CHSY1: variants seen among roughly 807,000 people sequenced by gnomAD.
CHSY1 encodes the protein chondroitin sulfate synthase 1.
Under a neutral mutation model 59.8 loss-of-function variants are expected in CHSY1, and 13 were observed. The ratio of observed to expected loss-of-function variants is 0.22; its 90% confidence interval spans 0.14 to 0.35. CHSY1 has a LOEUF of 0.35. Among genes scored for constraint, CHSY1 ranks in the 10% least tolerant of loss-of-function variants. The pLI, the probability that CHSY1 is intolerant of heterozygous loss-of-function variation, is 1.00. For missense variants in CHSY1, 947 were observed against 1,030.6 expected (o/e 0.92, Z 1.11); for synonymous variants, 459 against 401.2 (o/e 1.14, Z -1.72).
At chr15:101,187,893 TGA>T in intron 2 of CHSY1, 1 of 300,192 alleles carries the variant, frequency 3.3e-6, no homozygotes, top group Non-Finnish European at 4.9e-6. Context: ...CCAGTGAATC[TGA>T]GAGGGGCTAA....
At chr15:101,236,571 C>T (rs1011801778) in intron 1 of CHSY1, among the ~76,000 whole-genome samples, 2 of 152,194 alleles carry the variant, frequency 1.3e-5, no homozygotes, top group Non-Finnish European at 2.9e-5. Flanking sequence ...CCTGTAATCC[C>T]TGTACTTTGG....
chr15:101,216,480 C>A (rs2038733598), intron 2 of CHSY1, among the ~76,000 whole-genome samples: 1 of 152,152 alleles, frequency 6.6e-6, no homozygotes, highest in South Asian at 2.1e-4. Context: ...TCGCCGAAAA[C>A]CAAATGTCTT....
At position 101,206,434 on chromosome 15, in the gene CHSY1, G is replaced by A. The variant is rs13380374; in HGVS notation, c.817-27454C>T. On this transcript the variant is annotated intron_variant, in intron 2 of 2. Transcript: ENST00000254190. ...ACACTACCCACAGGCAGGGGTAGCA[G>A]CTCCCACTGTGGGGTTAGTCATCAG... Among the ~76,000 whole-genome samples the A allele has an allele frequency of 7.9e-3, 1,197 of 152,282 alleles. 17 individuals are homozygous for A. The highest frequency in any genetic ancestry group is 0.027 in the African/African-American group (1,140 of 41,548).
chr15:101,206,317 C>G (rs147207221), intron 2 of CHSY1, among the ~76,000 whole-genome samples: 1 of 152,132 alleles, frequency 6.6e-6, no homozygotes, highest in Non-Finnish European at 1.5e-5. Context: ...AACCAACGAC[C>G]AGGTATTTGT....
At chr15:101,241,938 T>A (rs2039007012) in intron 1 of CHSY1, among the ~76,000 whole-genome samples, 1 of 152,218 alleles carries the variant, frequency 6.6e-6, no homozygotes, top group Non-Finnish European at 1.5e-5. Flanking sequence ...TCACATACCC[T>A]CCTGTATACT....
intron 2 of CHSY1, among the ~76,000 whole-genome samples, chr15:101,214,024 G>A (rs1312294866): frequency 6.6e-6 from 1 of 152,160 alleles, no homozygotes; most frequent in African/African-American, 2.4e-5. Context: ...TTGGTTAAAC[G>A]TGGGCCAGTC....
rs1288308146 is a variant in CHSY1, at chr15:101,176,259, A to G, written c.*1129T>C. The stretch of plus-strand genomic sequence containing the variant: ...ATTAAAGGTATTTCAGATACAAAGG[A>G]TAAAACAAAACAGTAATGAAAGAAT... On this transcript the variant is annotated 3_prime_UTR_variant, in exon 3 of 3. Transcript: ENST00000254190. 6 of 398,456 alleles carry G rather than the reference A, an allele frequency of 1.5e-5. No homozygotes were observed. Among genetic ancestry groups the G allele is most frequent in the Non-Finnish European group, 2.7e-5 (6 of 226,044 alleles). The allele number at this position is 398,456 out of a possible 1,614,324, so 24.7% of individuals were successfully genotyped here. A position where few individuals can be genotyped will look rare whatever the true frequency, so the allele number is the denominator to read the frequency against.
In CHSY1 at chr15:101,250,490, A is replaced by G. The variant is rs370145686; in HGVS notation, c.320+647T>C. 6.8e-4 allele frequency among the ~76,000 whole-genome samples: 103 copies of G among 152,306 alleles called. No individual in the cohort carries two copies. The South Asian group carries it at 0.021, about 31-fold the overall frequency. ...AGCCCAGTTACTGGATAACATGCAT[A>G]CACCACCAAGCTGAACTAATTAACA... is the stretch of plus-strand genomic sequence containing the variant. On this transcript the variant is annotated intron_variant, in intron 1 of 2. Coordinates refer to ENST00000254190, the MANE Select transcript of CHSY1 (RefSeq NM_014918.5).
At chr15:101,234,963 A>C in intron 2 of CHSY1, 119 bp downstream of exon 2, 3 of 1,338,560 alleles carry the variant, frequency 2.2e-6, no homozygotes, top group Admixed American at 1.9e-5. Context: ...AAAATGTAGA[A>C]TAATACCAAC....
At chr15:101,216,129 G>T (rs1318235721) in intron 2 of CHSY1, among the ~76,000 whole-genome samples, 2 of 152,088 alleles carry the variant, frequency 1.3e-5, no homozygotes, top group Non-Finnish European at 2.9e-5. Context: ...CCAAATAAAA[G>T]CACCTCAGCC....
chr15:101,249,680 AT>A (rs1307776388), intron 1 of CHSY1, among the ~76,000 whole-genome samples: 1 of 151,906 alleles, frequency 6.6e-6, no homozygotes, highest in Admixed American at 6.6e-5. Context: ...CACCCGGCTA[AT>A]TTTTGTACTC....
At chr15:101,208,796 T>C (rs2038654373) in intron 2 of CHSY1, among the ~76,000 whole-genome samples, 2 of 151,770 alleles carry the variant, frequency 1.3e-5, no homozygotes, top group African/African-American at 4.8e-5. Flanking sequence ...CATGGAAATG[T>C]ATAATAATGG....
chr15:101,180,374 G>A lies in CHSY1; in HGVS notation c.817-1394C>T, dbSNP rs1272655915. On this transcript the variant is annotated intron_variant, in intron 2 of 2. Transcript: ENST00000254190. ...TGTTTCCAACTTTCCTTCCCACACC[G>A]CTTATGCTCCCCACATGGCAGGTGC... 6.6e-5 allele frequency among the ~76,000 whole-genome samples: 10 copies of A among 152,164 alleles called. No homozygotes were observed. The East Asian group carries it at 1.5e-3, about 24-fold the overall frequency.
At chr15:101,229,199 G>A (rs1379264645) in intron 2 of CHSY1, among the ~76,000 whole-genome samples, 1 of 152,164 alleles carries the variant, frequency 6.6e-6, no homozygotes, top group African/African-American at 2.4e-5. Context: ...AAATGGCAGA[G>A]ATAAGTCCTC....
intron 2 of CHSY1, among the ~76,000 whole-genome samples, chr15:101,180,983 T>C (rs2038270490): frequency 6.6e-6 from 1 of 152,340 alleles, no homozygotes; most frequent in African/African-American, 2.4e-5. Context: ...GAAAGGTTAT[T>C]TGCAGGCCAT....
At chr15:101,230,333 A>G (rs537561538) in intron 2 of CHSY1, among the ~76,000 whole-genome samples, 1 of 152,302 alleles carries the variant, frequency 6.6e-6, no homozygotes, top group African/African-American at 2.4e-5. Flanking sequence ...TGCGAGTTTA[A>G]CGGGCAGCCT....
intron 2 of CHSY1, among the ~76,000 whole-genome samples, chr15:101,202,671 A>C (rs1023320699): frequency 6.6e-6 from 1 of 152,254 alleles, no homozygotes; most frequent in Non-Finnish European, 1.5e-5. Flanking sequence ...GACCCCTTGC[A>C]GCACTCACTG....
chr15:101,188,165 G>A (rs1013279893), intron 2 of CHSY1: 2 of 985,318 alleles, frequency 2.0e-6, no homozygotes, highest in African/African-American at 3.5e-5. Context: ...TTCCCATTCG[G>A]ACTTAGGCAG....
chr15:101,224,348 T>C (rs755723108), intron 2 of CHSY1, among the ~76,000 whole-genome samples: 2 of 152,258 alleles, frequency 1.3e-5, no homozygotes, highest in Non-Finnish European at 2.9e-5. Flanking sequence ...GGCATTTGTG[T>C]GCCAAGTCTG....
Sources: gnomAD v4.1 joint callset for allele counts (sites outside exome capture counted in the v4.1 genomes callset) on GRCh38, gnomAD v4.1.1 for gene constraint, MANE v1.5 for transcripts, NCBI Gene and HGNC (gene_info 2026-07-23, HGNC 2026-07-21) for gene names.